AKAP19: variants seen among roughly 807,000 people sequenced by gnomAD.
The protein encoded by AKAP19 is A-kinase anchoring protein 19.
chr2:189,898,200 G>GA, the AKAP19 span, among the ~76,000 whole-genome samples: 3,040 of 133,712 alleles, frequency 0.023, 58 homozygotes, highest in African/African-American at 0.053. Flanking sequence ...TCCAAAAAAT[G>GA]AAAAAAAAAA....
the AKAP19 span, among the ~76,000 whole-genome samples, chr2:190,068,289 C>T: frequency 0.024 from 3,711 of 152,224 alleles, 162 homozygotes; most frequent in East Asian, 0.18. Flanking sequence ...CTTTTCAGCT[C>T]TTGGTCTAGT....
chr2:189,930,327 A>G, the AKAP19 span: 1 of 658,546 alleles, frequency 1.5e-6, no homozygotes, highest in South Asian at 2.6e-5. Context: ...GGGCACGTGA[A>G]GGATCTCATC....
the AKAP19 span, among the ~76,000 whole-genome samples, chr2:189,975,736 T>A: frequency 6.6e-6 from 1 of 152,214 alleles, no homozygotes; most frequent in East Asian, 1.9e-4. Context: ...ACTCATTTGA[T>A]CTTCAGTCAC....
At chr2:190,077,305 A>T in the AKAP19 span, among the ~76,000 whole-genome samples, 1 of 151,476 alleles carries the variant, frequency 6.6e-6, no homozygotes, top group South Asian at 2.1e-4. Context: ...TGCCTCTTGA[A>T]TTCAAGCAAT....
At chr2:190,198,838 C>T in the AKAP19 span, among the ~76,000 whole-genome samples, 3 of 152,026 alleles carry the variant, frequency 2.0e-5, no homozygotes, top group Admixed American at 6.5e-5. Flanking sequence ...AAGAGGAGTT[C>T]ATTCTGTGAT....
At chr2:189,890,312 T>C in the AKAP19 span, among the ~76,000 whole-genome samples, 1 of 152,210 alleles carries the variant, frequency 6.6e-6, no homozygotes, top group South Asian at 2.1e-4. Context: ...TTCTGTTCTT[T>C]TGCATTTCCT....
the AKAP19 span, among the ~76,000 whole-genome samples, chr2:189,911,020 A>G: frequency 6.6e-6 from 1 of 152,092 alleles, no homozygotes; most frequent in Admixed American, 6.5e-5. Context: ...GGATTTACAT[A>G]TTGATAAAAA....
the AKAP19 span, among the ~76,000 whole-genome samples, chr2:190,023,949 A>G: frequency 2.0e-5 from 3 of 151,964 alleles, no homozygotes; most frequent in Non-Finnish European, 4.4e-5. Flanking sequence ...TTAAAATTTC[A>G]TCGAAGTAAG....
At chr2:190,035,248 C>CTCT in the AKAP19 span, among the ~76,000 whole-genome samples, 4 of 151,894 alleles carry the variant, frequency 2.6e-5, no homozygotes. Flanking sequence ...CTGGCCAACA[C>CTCT]AGTGAAACCC....
chr2:190,012,406 A>G, the AKAP19 span, among the ~76,000 whole-genome samples: 1 of 151,912 alleles, frequency 6.6e-6, no homozygotes, highest in African/African-American at 2.4e-5. Context: ...TGTTTTCTTG[A>G]TTTATTTTTC....
the AKAP19 span, among the ~76,000 whole-genome samples, chr2:190,033,308 A>G: frequency 6.6e-6 from 1 of 152,220 alleles, no homozygotes; most frequent in Non-Finnish European, 1.5e-5. Context: ...GTCTTCTTTA[A>G]CTAGCAAACT....
chr2:190,119,586 C>T, the AKAP19 span, among the ~76,000 whole-genome samples: 1 of 152,188 alleles, frequency 6.6e-6, no homozygotes, highest in Non-Finnish European at 1.5e-5. Flanking sequence ...CAGTTTCTAA[C>T]GGCTTGCATT....
the AKAP19 span, among the ~76,000 whole-genome samples, chr2:190,188,797 C>T: frequency 6.6e-6 from 1 of 152,130 alleles, no homozygotes; most frequent in South Asian, 2.1e-4. Flanking sequence ...TCCCTCTTGG[C>T]TCTTACTTTA....
At chr2:190,009,792 G>A in the AKAP19 span, among the ~76,000 whole-genome samples, 1 of 151,750 alleles carries the variant, frequency 6.6e-6, no homozygotes. Context: ...ATGGATCAAA[G>A]ACCAACTCTT....
At chr2:189,971,466 C>T in the AKAP19 span, among the ~76,000 whole-genome samples, 1 of 152,076 alleles carries the variant, frequency 6.6e-6, no homozygotes, top group Non-Finnish European at 1.5e-5. Flanking sequence ...GTCTTTATAG[C>T]AGCGTGATTT....
the AKAP19 span, chr2:189,923,592 C>T: frequency 6.2e-7 from 1 of 1,614,048 alleles, no homozygotes; most frequent in African/African-American, 1.3e-5. Context: ...AACCTGGCTG[C>T]AGAGCCAAAA....
the AKAP19 span, among the ~76,000 whole-genome samples, chr2:190,048,736 T>C: frequency 4.6e-5 from 7 of 152,324 alleles, no homozygotes; most frequent in South Asian, 1.0e-3. Context: ...TCAGTTTCTT[T>C]CTTTAGGTCA....
At chr2:189,979,830 A>G in the AKAP19 span, among the ~76,000 whole-genome samples, 1 of 152,198 alleles carries the variant, frequency 6.6e-6, no homozygotes, top group Non-Finnish European at 1.5e-5. Flanking sequence ...GCTCCACATC[A>G]CTAACCATCA....
At chr2:190,112,268 A>G in the AKAP19 span, among the ~76,000 whole-genome samples, 1 of 152,152 alleles carries the variant, frequency 6.6e-6, no homozygotes, top group South Asian at 2.1e-4. Flanking sequence ...TGATTTATGT[A>G]GGGAGACTTG....
Sources: allele counts gnomAD v4.1 joint callset (sites outside exome capture counted in the v4.1 genomes callset), GRCh38; gene constraint gnomAD v4.1.1; transcripts MANE v1.5; gene names NCBI Gene and HGNC (gene_info 2026-07-23, HGNC 2026-07-21).